SMAD3: variants seen among roughly 807,000 people sequenced by gnomAD.
SMAD3 encodes the protein SMAD family member 3.
SMAD3 carries 12 observed loss-of-function variants against 51.8 expected under a neutral mutation model. That is an observed-to-expected ratio of 0.23 (90% CI 0.15 to 0.38). The LOEUF (loss-of-function observed/expected upper bound fraction) is 0.38. SMAD3 is among the 10% of genes least tolerant of loss of function. The pLI, the probability that SMAD3 is intolerant of heterozygous loss-of-function variation, is 1.00. For synonymous variants in SMAD3, 238 were observed against 227.7 expected (o/e 1.05, Z -0.41); for missense variants, 294 against 565.6 (o/e 0.52, Z 4.87).
chr15:67,179,078 T>A (rs1962982757), intron 5 of SMAD3, among the ~76,000 whole-genome samples: 1 of 152,206 alleles, frequency 6.6e-6, no homozygotes, highest in Non-Finnish European at 1.5e-5. Context: ...ATGAGTTATC[T>A]CTGTCTGTCC....
intron 1 of SMAD3, among the ~76,000 whole-genome samples, chr15:67,093,410 G>C (rs964977987): frequency 6.6e-6 from 1 of 152,292 alleles, no homozygotes; most frequent in East Asian, 1.9e-4. Flanking sequence ...CCAGTGCAGG[G>C]GTGCATAATC....
intron 1 of SMAD3, among the ~76,000 whole-genome samples, chr15:67,161,411 A>G (rs534643778): frequency 2.6e-5 from 4 of 152,306 alleles, no homozygotes; most frequent in East Asian, 1.9e-4. Context: ...ACCCACTTCT[A>G]TCACCTAGAT....
intron 1 of SMAD3, among the ~76,000 whole-genome samples, chr15:67,118,563 C>T (rs762851084): frequency 3.3e-5 from 5 of 152,260 alleles, no homozygotes; most frequent in East Asian, 3.9e-4. Context: ...ACTATTGTCA[C>T]GGAAGGCGCT....
intron 1 of SMAD3, among the ~76,000 whole-genome samples, chr15:67,159,362 C>T (rs375445446): frequency 3.3e-5 from 5 of 152,202 alleles, no homozygotes; most frequent in East Asian, 1.9e-4. Context: ...TGAGCCACCA[C>T]GTCCAGTCAG....
chr15:67,073,392 T>G (rs916101560), intron 1 of SMAD3, among the ~76,000 whole-genome samples: 1 of 152,250 alleles, frequency 6.6e-6, no homozygotes, highest in African/African-American at 2.4e-5. Context: ...TTAAGAAGTT[T>G]GGCTAATTCT....
At chr15:67,090,108 G>A (rs930012111) in intron 1 of SMAD3, among the ~76,000 whole-genome samples, 1 of 152,188 alleles carries the variant, frequency 6.6e-6, no homozygotes, top group Non-Finnish European at 1.5e-5. Context: ...CCACCCTAAG[G>A]GGGTGGTGAC....
rs1421517687 is a variant in SMAD3 at position 67,164,828 on chromosome 15, C to T, written c.207-67C>T. ...TTTCCAAGTGTCTGAAAGTAGGAGG[C>T]CGGACTCTGCAGAAAGCAAGCACAA... is the stretch of plus-strand genomic sequence containing the variant. On this transcript the variant is annotated intron_variant, in intron 1 of 8. Transcript: ENST00000327367. 6 of 1,532,164 alleles carry T rather than the reference C, an allele frequency of 3.9e-6. No individual in the cohort carries two copies. In the African/African-American group the frequency reaches 5.5e-5, roughly 14 times the overall value. The allele number at this position is 1,532,164 out of a possible 1,614,324, so 94.9% of individuals were successfully genotyped here. A position where few individuals can be genotyped will look rare whatever the true frequency, so the allele number is the denominator to read the frequency against.
intron 1 of SMAD3, among the ~76,000 whole-genome samples, chr15:67,108,366 C>T (rs1960928431): frequency 1.3e-5 from 2 of 152,152 alleles, no homozygotes; most frequent in South Asian, 4.1e-4. Context: ...TACTAGAAGC[C>T]TGCTTGCCTC....
At chr15:67,076,207 A>G (rs749248236) in intron 1 of SMAD3, among the ~76,000 whole-genome samples, 2 of 152,202 alleles carry the variant, frequency 1.3e-5, no homozygotes, top group Non-Finnish European at 2.9e-5. Context: ...CAGGCTATTG[A>G]AAGAGAAACA....
intron 1 of SMAD3, among the ~76,000 whole-genome samples, chr15:67,142,111 C>T (rs1961841680): frequency 6.6e-6 from 1 of 152,154 alleles, no homozygotes; most frequent in Non-Finnish European, 1.5e-5. Flanking sequence ...GCTCATCTGT[C>T]ATCCCCCGCT....
intron 1 of SMAD3, among the ~76,000 whole-genome samples, chr15:67,100,761 A>G (rs1347282174): frequency 2.0e-5 from 3 of 152,208 alleles, no homozygotes; most frequent in Admixed American, 1.3e-4. Context: ...ACACTGAGGC[A>G]GAAGAAAGAA....
intron 1 of SMAD3, among the ~76,000 whole-genome samples, chr15:67,135,439 T>G (rs921878638): frequency 6.6e-6 from 1 of 152,190 alleles, no homozygotes; most frequent in African/African-American, 2.4e-5. Flanking sequence ...CCTTTTTCAT[T>G]GTTAAGATTA....
chr15:67,088,487 A>C (rs1269249895), intron 1 of SMAD3, among the ~76,000 whole-genome samples: 1 of 152,180 alleles, frequency 6.6e-6, no homozygotes, highest in East Asian at 1.9e-4. Flanking sequence ...AAATGCAGCA[A>C]AGCTGCCCAG....
intron 1 of SMAD3, among the ~76,000 whole-genome samples, chr15:67,114,266 C>T (rs368628875): frequency 3.3e-5 from 5 of 152,306 alleles, no homozygotes; most frequent in South Asian, 2.1e-4. Flanking sequence ...ACTGCCTGCC[C>T]GATGGAAATA....
At chr15:67,085,412 C>G (rs1016091386) in intron 1 of SMAD3, among the ~76,000 whole-genome samples, 1 of 152,176 alleles carries the variant, frequency 6.6e-6, no homozygotes, top group African/African-American at 2.4e-5. Context: ...GTTTCTTCCA[C>G]CTTAAAAACT....
intron 1 of SMAD3, among the ~76,000 whole-genome samples, chr15:67,163,572 C>A (rs1362803808): frequency 1.3e-5 from 2 of 152,162 alleles, no homozygotes; most frequent in Admixed American, 6.5e-5. Context: ...CTCTCATCAT[C>A]CAGATCACCT....
rs1566971993 is a variant in SMAD3 at position 67,112,166 on chromosome 15, TGAGACAGAG to T, written c.206+45807_206+45815del. Among the ~76,000 whole-genome samples, 947 of 141,600 alleles carry T rather than the reference TGAGACAGAG, an allele frequency of 6.7e-3. 1 individual carries two copies. The highest frequency in any genetic ancestry group is 0.011 in the Middle Eastern group (3 of 282). 92.9% of individuals were successfully genotyped at this position (141,600 alleles called of 152,430 possible). A position where few individuals can be genotyped will look rare whatever the true frequency, so the allele number is the denominator to read the frequency against. ...TTTTTTTTCTTTCCTTTTTTTTTTT[TGAGACAGAG>T]TTTTGCTCTTGTTGCCCAGGCTGGA... On this transcript the variant is annotated intron_variant, in intron 1 of 8. Transcript: ENST00000327367.
chr15:67,189,142 CT>C (rs1193009603), intron 8 of SMAD3, among the ~76,000 whole-genome samples: 1 of 152,150 alleles, frequency 6.6e-6, no homozygotes, highest in Non-Finnish European at 1.5e-5. Context: ...GAAAATTAAT[CT>C]TTTTTTAGTG....
chr15:67,156,940 G>A (rs1039858844), intron 1 of SMAD3, among the ~76,000 whole-genome samples: 1 of 152,198 alleles, frequency 6.6e-6, no homozygotes, highest in Non-Finnish European at 1.5e-5. Context: ...CTACCCCAAA[G>A]TCACGGGACA....
Sources: gnomAD v4.1 joint callset for allele counts (sites outside exome capture counted in the v4.1 genomes callset) on GRCh38, gnomAD v4.1.1 for gene constraint, MANE v1.5 for transcripts, NCBI Gene and HGNC (gene_info 2026-07-23, HGNC 2026-07-21) for gene names.